SORCS2: variants seen among roughly 807,000 people sequenced by gnomAD.
SORCS2 encodes the protein VPS10 domain-containing receptor SorCS2.
SORCS2 carries 100 observed loss-of-function variants against 141.6 expected under a neutral mutation model. That is an observed-to-expected ratio of 0.71 (90% confidence interval 0.60 to 0.83). The LOEUF (loss-of-function observed/expected upper bound fraction) is 0.83. SORCS2 is among the 40% of genes least tolerant of loss of function. The pLI, the probability that SORCS2 is intolerant of heterozygous loss-of-function variation, is 0.00. For synonymous variants in SORCS2, 789 were observed against 676.9 expected (o/e 1.17, Z -2.57); for missense variants, 1,646 against 1,560.2 (o/e 1.05, Z -0.93).
intron 2 of SORCS2, among the ~76,000 whole-genome samples, chr4:7,454,121 A>C (rs1489611583): frequency 1.4e-4 from 8 of 58,834 alleles, no homozygotes; most frequent in African/African-American, 5.0e-4. Context: ...GGGGTCAGGC[A>C]CTGTGTTGGG....
intron 2 of SORCS2, among the ~76,000 whole-genome samples, chr4:7,453,711 T>C: frequency 1.8e-5 from 2 of 114,014 alleles, no homozygotes; most frequent in South Asian, 3.3e-4. Context: ...TGTGTTGGGG[T>C]CAGGCACTGT....
chr4:7,432,074 TA>T (rs1452901918), intron 2 of SORCS2: 2 of 152,384 alleles, frequency 1.3e-5, no homozygotes, highest in Admixed American at 6.6e-5. Flanking sequence ...CACAGTGTCT[TA>T]GGGGGGCCAA....
At chr4:7,666,346 T>C (rs1299215281) in intron 7 of SORCS2, among the ~76,000 whole-genome samples, 1 of 152,016 alleles carries the variant, frequency 6.6e-6, no homozygotes, top group African/African-American at 2.4e-5. Flanking sequence ...CAGGAGAAGG[T>C]GGGGGCCACC....
At chr4:7,437,434 C>T (rs1049628677) in intron 2 of SORCS2, among the ~76,000 whole-genome samples, 22 of 152,168 alleles carry the variant, frequency 1.4e-4, no homozygotes, top group African/African-American at 4.8e-4. Flanking sequence ...CTCATCAAAC[C>T]TCATTGTCCA....
At chr4:7,524,584 TG>T (rs1157947404) in intron 2 of SORCS2, among the ~76,000 whole-genome samples, 1 of 151,460 alleles carries the variant, frequency 6.6e-6, no homozygotes, top group East Asian at 1.9e-4. Flanking sequence ...CTGTGGGTTT[TG>T]TTTTTTTTTT....
At chr4:7,559,205 G>T (rs184013333) in intron 3 of SORCS2, among the ~76,000 whole-genome samples, 1 of 152,288 alleles carries the variant, frequency 6.6e-6, no homozygotes. Flanking sequence ...CCTCCAAGAG[G>T]GCTGTGGCCC....
intron 1 of SORCS2, 112 bp from the exon 2 acceptor site, chr4:7,396,176 C>A: frequency 1.1e-6 from 1 of 907,082 alleles, no homozygotes; most frequent in Non-Finnish European, 1.7e-6. Context: ...GGCCCCTGGG[C>A]GGCTGTTATT....
At chr4:7,204,117 G>A (rs368809748) in intron 1 of SORCS2, among the ~76,000 whole-genome samples, 1 of 152,302 alleles carries the variant, frequency 6.6e-6, no homozygotes, top group African/African-American at 2.4e-5. Flanking sequence ...TTAGGCTGCT[G>A]TGAACATGGG....
In SORCS2 at chr4:7,628,475, T is replaced by C. The variant is rs902458847; in HGVS notation, c.649-9853T>C. 2.7e-5 allele frequency among the ~76,000 whole-genome samples: 4 copies of C among 148,280 alleles called. No individual in the cohort carries two copies. The East Asian group carries it at 6.1e-4, about 23-fold the overall frequency. ...TGGAGCTTGCAGTGAGCTGAGATTG[T>C]GCCACTGCACTCCAGCCTGGGCAAA... On this transcript the variant is annotated intron_variant, in intron 3 of 26. Transcript: ENST00000507866.
At chr4:7,547,809 C>T (rs141789880) in intron 3 of SORCS2, among the ~76,000 whole-genome samples, 68 of 152,362 alleles carry the variant, frequency 4.5e-4, no homozygotes, top group Non-Finnish European at 7.6e-4. Flanking sequence ...AGGGCAGGAA[C>T]TCTGTCTCTT....
chr4:7,715,830 G>T (rs554231006), intron 17 of SORCS2, among the ~76,000 whole-genome samples: 17 of 152,190 alleles, frequency 1.1e-4, no homozygotes, highest in South Asian at 2.1e-4. Flanking sequence ...CCTCCAGGAA[G>T]CCTTCCCTGA....
intron 16 of SORCS2, among the ~76,000 whole-genome samples, 199 bp downstream of exon 16, chr4:7,714,572 C>A (rs1488551748): frequency 6.6e-6 from 1 of 152,220 alleles, no homozygotes; most frequent in Non-Finnish European, 1.5e-5. Context: ...CAGGAAGGAG[C>A]TTTAAGGAAT....
At chr4:7,684,832 A>G (rs1032760479) in intron 10 of SORCS2, among the ~76,000 whole-genome samples, 2 of 152,080 alleles carry the variant, frequency 1.3e-5, no homozygotes, top group African/African-American at 4.8e-5. Flanking sequence ...CACCACCACC[A>G]GCCCCAGTGT....
chr4:7,515,175 C>A (rs1732894538), intron 2 of SORCS2, among the ~76,000 whole-genome samples: 1 of 152,202 alleles, frequency 6.6e-6, no homozygotes, highest in Admixed American at 6.5e-5. Context: ...GGAGGCGTGG[C>A]TCCCTCCTCT....
intron 3 of SORCS2, among the ~76,000 whole-genome samples, chr4:7,587,595 C>G (rs1055333716): frequency 6.6e-6 from 1 of 152,220 alleles, no homozygotes; most frequent in Non-Finnish European, 1.5e-5. Flanking sequence ...CATGGGGTTT[C>G]CATAGAGACC....
At chr4:7,647,411 T>C (rs1721150040) in intron 4 of SORCS2, among the ~76,000 whole-genome samples, 1 of 152,130 alleles carries the variant, frequency 6.6e-6, no homozygotes, top group Admixed American at 6.5e-5. Flanking sequence ...ACAGCCACAC[T>C]CACAGCTGCC....
intron 2 of SORCS2, among the ~76,000 whole-genome samples, chr4:7,502,445 T>C (rs1413093297): frequency 1.3e-5 from 2 of 152,110 alleles, no homozygotes; most frequent in East Asian, 3.9e-4. Flanking sequence ...AGGAAAGCCA[T>C]CAAAAGGTGG....
intron 1 of SORCS2, among the ~76,000 whole-genome samples, chr4:7,284,315 C>T (rs549111293): frequency 2.0e-5 from 3 of 152,192 alleles, no homozygotes; most frequent in South Asian, 4.2e-4. Context: ...GGTCTGTGTT[C>T]GGGTCCTGGC....
intron 1 of SORCS2, among the ~76,000 whole-genome samples, chr4:7,235,259 C>T (rs1456614303): frequency 1.3e-5 from 2 of 152,236 alleles, no homozygotes; most frequent in Non-Finnish European, 1.5e-5. Flanking sequence ...CCTTCTGCTG[C>T]CCGCGCCAGG....
Sources: gnomAD v4.1 joint callset for allele counts (sites outside exome capture counted in the v4.1 genomes callset) on GRCh38, gnomAD v4.1.1 for gene constraint, MANE v1.5 for transcripts, NCBI Gene and HGNC (gene_info 2026-07-23, HGNC 2026-07-21) for gene names.